Variants in CALN1 observed in about 807,000 individuals in gnomAD.
The protein encoded by CALN1 is calcium-binding protein 8.
In CALN1, 17 loss-of-function variants were observed where a neutral mutation model predicts 30.6. The ratio of observed to expected loss-of-function variants is 0.56; its 90% CI spans 0.38 to 0.83. CALN1 has a LOEUF of 0.83. Among genes scored for constraint, CALN1 ranks in the 40% least tolerant of loss-of-function variants. The probability of loss-of-function intolerance (pLI) is 0.00; values close to 1 mark genes in which losing one functional copy is unlikely to be tolerated. For missense variants in CALN1, 291 were observed against 354.9 expected, an observed-to-expected ratio of 0.82 and a Z score of 1.45; for synonymous variants, 156 against 131.4, an observed-to-expected ratio of 1.19 and a Z score of -1.28.
intron 2 of CALN1, among the ~76,000 whole-genome samples, chr7:72,353,908 C>A (rs924429762): frequency 6.6e-6 from 1 of 152,110 alleles, no homozygotes; most frequent in Non-Finnish European, 1.5e-5. Flanking sequence ...CCATTCAGGC[C>A]GGGCGTAGTG....
In CALN1 at chr7:72,071,623, C is replaced by T. The variant is rs1388097875; in HGVS notation, c.388+34528G>A. Among the ~76,000 whole-genome samples, 30 of 152,142 alleles carry T rather than the reference C, an allele frequency of 2.0e-4. 1 individual carries two copies. The highest frequency in any genetic ancestry group is 2.0e-3 in the Admixed American group (30 of 15,258). ...CAGCCTATGACAATTAAAAAACAAA[C>T]AAAAACAACAACAAATGCTGGAGAA... On this transcript the variant is annotated intron_variant, in intron 4 of 6. Coordinates refer to ENST00000395275, the MANE Select transcript of CALN1 (RefSeq NM_031468.4).
chr7:72,106,671 A>T (rs1415504464), intron 3 of CALN1, among the ~76,000 whole-genome samples: 1 of 109,354 alleles, frequency 9.1e-6, no homozygotes, highest in African/African-American at 3.5e-5. Context: ...GGAGGGAGGG[A>T]GAAAGGAAGG....
At chr7:71,848,111 T>C (rs1027737424) in intron 5 of CALN1, among the ~76,000 whole-genome samples, 5 of 152,184 alleles carry the variant, frequency 3.3e-5, no homozygotes, top group Non-Finnish European at 7.3e-5. Context: ...AATTCACCAT[T>C]GCAGAAGTGA....
chr7:72,054,433 GTATATATATATATACATATATATACA>G lies in CALN1; in HGVS notation c.389-30690_389-30665del, dbSNP rs1318425118. Among the ~76,000 whole-genome samples the G allele has an allele frequency of 2.3e-3, 227 of 99,584 alleles. 9 individuals carry two copies. The highest frequency in any genetic ancestry group is 6.7e-3 in the African/African-American group (208 of 31,028). The allele number at this position is 99,584 out of a possible 152,430, so 65.3% of individuals were successfully genotyped here. On this transcript the variant is annotated intron_variant, in intron 4 of 6. Coordinates refer to ENST00000395275, the MANE Select transcript of CALN1 (RefSeq NM_031468.4). ...TATATATATACGTGTATATATACAC[GTATATATATATATACATATATATACA>G]TATATATACATATATACATACATAT...
At chr7:72,178,110 T>A (rs1162427127) in intron 3 of CALN1, among the ~76,000 whole-genome samples, 1 of 151,826 alleles carries the variant, frequency 6.6e-6, no homozygotes, top group Non-Finnish European at 1.5e-5. Context: ...TCCCGAAAAA[T>A]GGGGGAAAAA....
At chr7:72,174,328 G>C (rs2129545641) in intron 3 of CALN1, among the ~76,000 whole-genome samples, 1 of 152,236 alleles carries the variant, frequency 6.6e-6, no homozygotes, top group East Asian at 1.9e-4. Flanking sequence ...GTTTGGCAAT[G>C]TCTTAAAAAG....
At chr7:72,403,220 A>G in intron 2 of CALN1, 31 bp downstream of exon 2, 1 of 1,521,076 alleles carries the variant, frequency 6.6e-7, no homozygotes, top group Non-Finnish European at 8.9e-7. Flanking sequence ...CAAACAATCT[A>G]GGTCCTTGGG....
chr7:72,333,979 G>T (rs1206607645), intron 2 of CALN1, among the ~76,000 whole-genome samples: 2 of 152,192 alleles, frequency 1.3e-5, no homozygotes, highest in Non-Finnish European at 2.9e-5. Context: ...AAGCAATGTG[G>T]AAAGTGCCCC....
intron 5 of CALN1, among the ~76,000 whole-genome samples, chr7:71,854,075 G>A (rs1790800993): frequency 6.6e-6 from 1 of 152,070 alleles, no homozygotes; most frequent in Non-Finnish European, 1.5e-5. Flanking sequence ...AGGGTTTGAG[G>A]TAGAGGCCAA....
chr7:72,090,774 C>T (rs945974015), intron 4 of CALN1, among the ~76,000 whole-genome samples: 2 of 152,130 alleles, frequency 1.3e-5, no homozygotes, highest in African/African-American at 4.8e-5. Context: ...TACTTGCAAC[C>T]ACATGGGTTG....
At chr7:72,241,674 C>G (rs1794844397) in intron 3 of CALN1, among the ~76,000 whole-genome samples, 1 of 151,968 alleles carries the variant, frequency 6.6e-6, no homozygotes, top group South Asian at 2.1e-4. Context: ...CCATTGCACT[C>G]CAGCCTGGGC....
chr7:72,345,875 C>G (rs1337681216), intron 2 of CALN1, among the ~76,000 whole-genome samples: 3 of 152,062 alleles, frequency 2.0e-5, no homozygotes, highest in Non-Finnish European at 2.9e-5. Context: ...AAATGTATAG[C>G]CACTATAATT....
At chr7:72,207,025 A>G (rs1369715857) in intron 3 of CALN1, among the ~76,000 whole-genome samples, 1 of 152,230 alleles carries the variant, frequency 6.6e-6, no homozygotes, top group East Asian at 1.9e-4. Context: ...CAGTCTCTAT[A>G]TCATCTCTAA....
intron 3 of CALN1, among the ~76,000 whole-genome samples, chr7:72,252,201 G>A (rs1022526514): frequency 6.6e-6 from 1 of 151,984 alleles, no homozygotes; most frequent in African/African-American, 2.4e-5. Flanking sequence ...CTAGTTGATT[G>A]AGCCAACTAT....
intron 2 of CALN1, among the ~76,000 whole-genome samples, chr7:72,323,165 G>A (rs1801014157): frequency 1.3e-5 from 2 of 152,012 alleles, no homozygotes; most frequent in Admixed American, 6.6e-5. Flanking sequence ...CTGTAGAGAG[G>A]ACTCAGAGTG....
intron 3 of CALN1, among the ~76,000 whole-genome samples, chr7:72,178,414 C>T (rs1789521424): frequency 6.6e-6 from 1 of 152,102 alleles, no homozygotes; most frequent in Non-Finnish European, 1.5e-5. Flanking sequence ...TTCCTTGGGC[C>T]AGGAGCGGTG....
intron 1 of CALN1, among the ~76,000 whole-genome samples, 172 bp from the exon 2 acceptor site, chr7:72,403,614 T>C (rs1318028011): frequency 2.0e-5 from 3 of 152,224 alleles, no homozygotes; most frequent in Non-Finnish European, 4.4e-5. Flanking sequence ...TGTTTAGTTA[T>C]TAATAAGGCC....
At chr7:72,472,006 G>A in the CALN1 span, among the ~76,000 whole-genome samples, 1 of 152,078 alleles carries the variant, frequency 6.6e-6, no homozygotes. Flanking sequence ...ACGTTGCCCA[G>A]GCTGGTCTCA....
At chr7:71,972,665 A>C (rs1039783511) in intron 5 of CALN1, among the ~76,000 whole-genome samples, 4 of 152,196 alleles carry the variant, frequency 2.6e-5, no homozygotes, top group African/African-American at 4.8e-5. Flanking sequence ...AGGAAATTTA[A>C]TGGATTTTAA....
Sources: allele counts gnomAD v4.1 joint callset (sites outside exome capture counted in the v4.1 genomes callset), GRCh38; gene constraint gnomAD v4.1.1; transcripts MANE v1.5; gene names NCBI Gene and HGNC (gene_info 2026-07-23, HGNC 2026-07-21).